SLIT2: variants seen among roughly 807,000 people sequenced by gnomAD.
SLIT2 encodes slit guidance ligand 2.
In SLIT2, 41 loss-of-function variants were observed where a neutral mutation model predicts 185.7. The ratio of observed to expected loss-of-function variants is 0.22; its 90% CI spans 0.17 to 0.29. SLIT2 has a LOEUF of 0.29. Among genes scored for constraint, SLIT2 ranks in the 10% least tolerant of loss-of-function variants. SLIT2 has a pLI of 1.00. For synonymous variants in SLIT2, 693 were observed against 680.2 expected (o/e 1.02, Z -0.29); for missense variants, 1,571 against 1,909.0 (o/e 0.82, Z 3.30).
At chr4:20,588,027 C>T (rs1727209277) in intron 29 of SLIT2, among the ~76,000 whole-genome samples, 1 of 152,096 alleles carries the variant, frequency 6.6e-6, no homozygotes, top group Non-Finnish European at 1.5e-5. Flanking sequence ...TGGTTAGAAA[C>T]TGAAAGTGAT....
intron 6 of SLIT2, 125 bp from the exon 7 acceptor site, chr4:20,486,075 A>G (rs3733509): frequency 0.21 from 136,440 of 659,822 alleles, 15,698 homozygotes; most frequent in African/African-American, 0.4. Flanking sequence ...TGCATTCTCT[A>G]TGTCATCTCT....
chr4:20,490,437 A>G (rs1222099982), intron 8 of SLIT2, among the ~76,000 whole-genome samples: 1 of 150,992 alleles, frequency 6.6e-6, no homozygotes, highest in African/African-American at 2.4e-5. Flanking sequence ...ATGTGTATAT[A>G]TATGTGTGGG....
chr4:20,522,750 C>T (rs1720945126), intron 12 of SLIT2, among the ~76,000 whole-genome samples: 2 of 152,176 alleles, frequency 1.3e-5, no homozygotes, highest in South Asian at 4.1e-4. Context: ...TATAAGACTA[C>T]AGCCTATACT....
chr4:20,475,451 G>A (rs1310840707), intron 5 of SLIT2, among the ~76,000 whole-genome samples: 1 of 151,648 alleles, frequency 6.6e-6, no homozygotes, highest in Non-Finnish European at 1.5e-5. Flanking sequence ...CCTCCATTTG[G>A]AGAACAAAAA....
chr4:20,297,597 A>C (rs1304129459), intron 4 of SLIT2, among the ~76,000 whole-genome samples: 1 of 152,194 alleles, frequency 6.6e-6, no homozygotes. Flanking sequence ...AATCTAATAA[A>C]TAGGCTAACT....
At chr4:20,453,361 T>C (rs2148717306) in intron 4 of SLIT2, among the ~76,000 whole-genome samples, 1 of 152,334 alleles carries the variant, frequency 6.6e-6, no homozygotes, top group East Asian at 1.9e-4. Context: ...TCTTAAATTG[T>C]ACTTTGATAG....
chr4:20,461,220 C>T (rs1022042163), intron 4 of SLIT2, among the ~76,000 whole-genome samples: 2 of 151,766 alleles, frequency 1.3e-5, no homozygotes, highest in East Asian at 1.9e-4. Context: ...AAAAGCTGAA[C>T]GATATGGAAG....
At chr4:20,598,244 G>T in intron 32 of SLIT2, 21 bp from the exon 33 acceptor site, 5 of 1,612,870 alleles carry the variant, frequency 3.1e-6, no homozygotes, top group Non-Finnish European at 4.2e-6. Context: ...TCCTAGTAAT[G>T]CCAGGGTTAC....
At chr4:20,451,860 TC>T (rs1337098325) in intron 4 of SLIT2, among the ~76,000 whole-genome samples, 1 of 152,150 alleles carries the variant, frequency 6.6e-6, no homozygotes, top group Non-Finnish European at 1.5e-5. Flanking sequence ...GGAATGCAGT[TC>T]TCCACCAATT....
Position 20,390,275 on chromosome 4 carries a change from CA to C in SLIT2, c.396-77469del, listed in dbSNP as rs202050002. Among the ~76,000 whole-genome samples, 93 of 151,730 alleles carry C rather than the reference CA, an allele frequency of 6.1e-4. No individual in the cohort carries two copies. In the South Asian group the frequency reaches 0.015, roughly 24 times the overall value. On this transcript the variant is annotated intron_variant, in intron 4 of 36. Coordinates refer to ENST00000504154, the MANE Select transcript of SLIT2 (RefSeq NM_004787.4). ...TAAAATATTGTATATAAGTAATATACAAAAAAAATTGCCGTGCATTGAATAA... is the reference window on the plus strand; with the variant it reads ...TAAAATATTGTATATAAGTAATATACAAAAAAATTGCCGTGCATTGAATAA...
chr4:20,263,264 G>A (rs1182833898), intron 3 of SLIT2, among the ~76,000 whole-genome samples: 1 of 151,802 alleles, frequency 6.6e-6, no homozygotes, highest in East Asian at 1.9e-4. Context: ...GGACTGGAAA[G>A]CATATTGATG....
chr4:20,302,687 T>C (rs539059269), intron 4 of SLIT2, among the ~76,000 whole-genome samples: 3 of 152,288 alleles, frequency 2.0e-5, no homozygotes, highest in African/African-American at 7.2e-5. Context: ...AGGAAATGAC[T>C]GTGCAATCCA....
At chr4:20,301,128 A>AT in intron 4 of SLIT2, among the ~76,000 whole-genome samples, 1 of 152,244 alleles carries the variant, frequency 6.6e-6, no homozygotes, top group South Asian at 2.1e-4. Context: ...GATGCTAATT[A>AT]TTTGCTTTGT....
rs572404543 is a variant in SLIT2, at chr4:20,316,684, C to G, written c.395+47803C>G. On this transcript the variant is annotated intron_variant, in intron 4 of 36. Transcript: ENST00000504154. ...TATATATTTGTAGTGTATCTATATACTCATATGTGAGAAATATGATACCAG... is the reference window on the plus strand; with the variant it reads ...TATATATTTGTAGTGTATCTATATAGTCATATGTGAGAAATATGATACCAG... Among the ~76,000 whole-genome samples the G allele has an allele frequency of 1.3e-3, 190 of 151,486 alleles. 2 individuals are homozygous for G. The highest frequency in any genetic ancestry group is 4.5e-3 in the African/African-American group (186 of 41,402).
rs1356995182 is a variant in SLIT2 at position 20,491,751 on chromosome 4, T to A, written c.776-10T>A. ...AGGAAAAATATAATTCCTGTTTATT[T>A]CTTTTTTAGGTCACCAGTCATTTAT... On this transcript the variant is annotated splice_polypyrimidine_tract_variant and intron_variant, in intron 8 of 36. Coordinates refer to ENST00000504154, the MANE Select transcript of SLIT2 (RefSeq NM_004787.4). 1.2e-6 allele frequency: 2 copies of A among 1,606,000 alleles called. No homozygotes were observed. The highest frequency in any genetic ancestry group is 2.7e-5 in the African/African-American group (2 of 74,498).
intron 18 of SLIT2, among the ~76,000 whole-genome samples, chr4:20,535,951 C>T (rs1247772973): frequency 6.6e-6 from 1 of 152,148 alleles, no homozygotes; most frequent in Non-Finnish European, 1.5e-5. Context: ...GATGATATGG[C>T]CTACCACATA....
At chr4:20,535,230 C>T (rs1372208948) in intron 18 of SLIT2, among the ~76,000 whole-genome samples, 3 of 151,824 alleles carry the variant, frequency 2.0e-5, no homozygotes, top group Non-Finnish European at 2.9e-5. Context: ...TCCCGGGAGG[C>T]GGAGATTGCA....
intron 4 of SLIT2, among the ~76,000 whole-genome samples, chr4:20,342,639 A>G (rs1007057167): frequency 7.1e-6 from 1 of 140,408 alleles, no homozygotes; most frequent in Admixed American, 7.2e-5. Flanking sequence ...ATATTGATTT[A>G]TTTATTCCTT....
chr4:20,603,995 A>C (rs1728600446), intron 33 of SLIT2, among the ~76,000 whole-genome samples: 2 of 152,162 alleles, frequency 1.3e-5, no homozygotes, highest in African/African-American at 4.8e-5. Context: ...TTTGTGCTTT[A>C]TTTTCCTTAT....
Sources: gnomAD v4.1 joint callset for allele counts (sites outside exome capture counted in the v4.1 genomes callset) on GRCh38, gnomAD v4.1.1 for gene constraint, MANE v1.5 for transcripts, NCBI Gene and HGNC (gene_info 2026-07-23, HGNC 2026-07-21) for gene names.